The following LCN8 variants were observed in gnomAD, a reference collection of about 807,000 sequenced individuals.
LCN8 encodes lipocalin 8.
LCN8 carries 16 observed loss-of-function variants against 22.8 expected under a neutral mutation model. That is an observed-to-expected ratio of 0.70 (90% CI 0.47 to 1.06). The LOEUF (loss-of-function observed/expected upper bound fraction) is 1.06. LCN8 is among the 50% of genes least tolerant of loss of function. LCN8 has a pLI of 0.00. For synonymous variants in LCN8, 92 were observed against 83.4 expected (o/e 1.10, Z -0.56); for missense variants, 189 against 203.3 (o/e 0.93, Z 0.43).
At position 136,756,617 on chromosome 9, in the gene LCN8, G is replaced by A. The variant is rs79243903; in HGVS notation, c.156-25C>T. On this transcript the variant is annotated intron_variant, in intron 2 of 6. Transcript: ENST00000371688. Reference sequence around the variant, plus strand: ...GCTGAAAGGCAGCAAAGTGCCCATCGGTAAAATGCTAGCCTGTGTCCCGCC... The same window carrying A: ...GCTGAAAGGCAGCAAAGTGCCCATCAGTAAAATGCTAGCCTGTGTCCCGCC... The A allele has an allele frequency of 4.5e-3, 7,203 of 1,611,330 alleles. 256 individuals are homozygous for A. The African/African-American group carries it at 0.084, about 19-fold the overall frequency.
Position 136,757,940 on chromosome 9 carries a change from C to T in LCN8, c.-10G>A. 2 of 1,613,238 alleles carry T rather than the reference C, an allele frequency of 1.2e-6. No individual in the cohort carries two copies. The highest frequency in any genetic ancestry group is 1.7e-6 in the Non-Finnish European group (2 of 1,179,938). ...GGTCCAGCTCCTCCATGGCTGCTGC[C>T]ACCTGCGCCCGGAGCACCACGAGGA... On this transcript the variant is annotated 5_prime_UTR_variant, in exon 1 of 7. It introduces an in-frame stop codon into an upstream open reading frame of the 5' UTR. Transcript: ENST00000371688.
chr9:136,754,519 A>G lies in LCN8; in HGVS notation c.448-10T>C. On this transcript the variant is annotated splice_polypyrimidine_tract_variant and intron_variant, in intron 6 of 6. Coordinates refer to ENST00000371688, the MANE Select transcript of LCN8 (RefSeq NM_178469.4). ...TCCATTAAATCAGCTCCTGCGACAC[A>G]GAAGTGCAGGGGCTCAGGCCCGTGT... 2 of 1,552,730 alleles carry G rather than the reference A, an allele frequency of 1.3e-6. No homozygotes were observed. Among genetic ancestry groups the G allele is most frequent in the Non-Finnish European group, 1.7e-6 (2 of 1,147,916 alleles).
upstream of LCN8, chr9:136,758,504 T>A: frequency 1.0e-6 from 1 of 990,752 alleles, no homozygotes; most frequent in Non-Finnish European, 1.2e-6. Flanking sequence ...GCGACCAGAG[T>A]GACAGTGACA....
Position 136,758,125 on chromosome 9 carries a change from TG to T in LCN8, c.-196del. 1 of 1,452,700 alleles carries T rather than the reference TG, an allele frequency of 6.9e-7. No individual in the cohort carries two copies. The highest frequency in any genetic ancestry group is 9.1e-7 in the Non-Finnish European group (1 of 1,101,736). The allele number at this position is 1,452,700 out of a possible 1,614,324, so 90.0% of individuals were successfully genotyped here. A position where few individuals can be genotyped will look rare whatever the true frequency, so the allele number is the denominator to read the frequency against. On this transcript the variant is annotated 5_prime_UTR_variant, in exon 1 of 7. The change creates a premature stop within an existing upstream ORF in the 5' untranslated region. Coordinates refer to ENST00000371688, the MANE Select transcript of LCN8 (RefSeq NM_178469.4). ...CTTGGCTGCTGGCAGCTCAGAGACG[TG>T]GGTTTCTGCACAAGCGCCATCGGCC... is the stretch of plus-strand genomic sequence containing the variant.
intron 2 of LCN8, 41 bp from the exon 3 acceptor site, chr9:136,756,633 G>A: frequency 1.9e-6 from 3 of 1,605,974 alleles, no homozygotes; most frequent in Middle Eastern, 1.7e-4. Flanking sequence ...ATGCTAGCCT[G>A]TGTCCCGCCT....
intron 6 of LCN8, chr9:136,754,792 G>A (rs939225608): frequency 2.5e-4 from 337 of 1,372,762 alleles, no homozygotes; most frequent in Non-Finnish European, 3.1e-4. Context: ...CGGGACCTTC[G>A]GGGGCAGAAG....
chr9:136,756,908 C>A, intron 2 of LCN8, 130 bp downstream of exon 2: 1 of 1,095,038 alleles, frequency 9.1e-7, no homozygotes, highest in South Asian at 1.6e-5. Flanking sequence ...GGCAGACGGG[C>A]ACCGGGAGTG....
At chr9:136,756,198 GCGCAGGGAACAGCA>G in intron 3 of LCN8, 1 of 1,306,098 alleles carries the variant, frequency 7.7e-7, no homozygotes, top group Non-Finnish European at 1.0e-6. Context: ...ATGGGGAACA[GCGCAGGGAACAGCA>G]TGGGGAACAG....
In LCN8 at chr9:136,756,201, CAGGGAACAGCAT is replaced by C. The variant is rs1564331734; in HGVS notation, c.226+309_226+320del. The C allele has an allele frequency of 2.8e-5, 38 of 1,335,928 alleles. 1 individual carries two copies. The African/African-American group carries it at 5.3e-4, about 19-fold the overall frequency. 82.8% of individuals were successfully genotyped at this position (1,335,928 alleles called of 1,614,324 possible). A position where few individuals can be genotyped will look rare whatever the true frequency, so the allele number is the denominator to read the frequency against. ...GCAGGGAACAGCATGGGGAACAGCG[CAGGGAACAGCAT>C]GGGGAACAGTGCAGGGAACAGTGCA... On this transcript the variant is annotated intron_variant, in intron 3 of 6. Coordinates refer to ENST00000371688, the MANE Select transcript of LCN8 (RefSeq NM_178469.4).
chr9:136,757,468 C>G, intron 1 of LCN8: 1 of 1,356,218 alleles, frequency 7.4e-7, no homozygotes, highest in Non-Finnish European at 9.5e-7. Flanking sequence ...AACCACAGGC[C>G]CTGCCTGACC....
chr9:136,757,150 C>T lies in LCN8; in HGVS notation c.43G>A (p.Glu15Lys). 6.2e-7 allele frequency: 1 copy of T among 1,612,902 alleles called. No homozygotes were observed. The highest frequency in any genetic ancestry group is 8.5e-7 in the Non-Finnish European group (1 of 1,179,542). ...DRQKIGGFWR[E>K]VGVASDQSLV... ...CTTTGATCGGAGGCCACACCGACTT[C>T]CCTCCAGAATCCTCCAATCTAGAGA... The change falls in exon 2 of 7, where the codon GAA becomes AAA. Residue 15 changes from glutamate (E) to lysine (K), a missense_variant. Coordinates refer to ENST00000371688, the MANE Select transcript of LCN8 (RefSeq NM_178469.4).
chr9:136,756,363 T>C (rs775668930), intron 3 of LCN8, 159 bp downstream of exon 3: 23 of 1,508,506 alleles, frequency 1.5e-5, no homozygotes, highest in African/African-American at 1.2e-4. Context: ...GCACAGGGAA[T>C]AGTTCAGGGA....
intron 3 of LCN8, 32 bp from the exon 4 acceptor site, chr9:136,755,548 C>G (rs200153866): frequency 7.5e-6 from 12 of 1,598,106 alleles, no homozygotes; most frequent in Non-Finnish European, 9.4e-6. Flanking sequence ...TTGGGGGAGA[C>G]GTCTGAGGGG....
In LCN8 at chr9:136,755,396, C is replaced by T; in HGVS notation, c.331+16G>A. 6.2e-7 allele frequency: 1 copy of T among 1,611,302 alleles called. No homozygotes were observed. Among genetic ancestry groups the T allele is most frequent in the Non-Finnish European group, 8.5e-7 (1 of 1,179,962 alleles). ...GAGAGCAGCAGCTGGGCAGAGCCCC[C>T]CAGGGCCAAGCTTACTAAAGTACTT... On this transcript the variant is annotated intron_variant, in intron 4 of 6. Transcript: ENST00000371688.
In LCN8 at chr9:136,757,987, G is replaced by T; in HGVS notation, c.-57C>A. 4 of 1,607,436 alleles carry T rather than the reference G, an allele frequency of 2.5e-6. No individual in the cohort carries two copies. The highest frequency in any genetic ancestry group is 1.7e-6 in the Non-Finnish European group (2 of 1,177,938). On this transcript the variant is annotated 5_prime_UTR_variant, in exon 1 of 7. In the 5' UTR this introduces an upstream ATG that the reference lacks. Transcript: ENST00000371688. Reference sequence around the variant, plus strand: ...AGGACACCCAGGATGGTGCACGGCAGCCTGGCCTCCGTGGCGGGGTCCGGG... The same window carrying T: ...AGGACACCCAGGATGGTGCACGGCATCCTGGCCTCCGTGGCGGGGTCCGGG...
chr9:136,758,314 C>T, upstream of LCN8: 1 of 1,145,846 alleles, frequency 8.7e-7, no homozygotes, highest in Non-Finnish European at 1.1e-6. Flanking sequence ...GTGACCCCCA[C>T]CCCACATGAC....
rs79149038 is a variant in LCN8 at position 136,758,142 on chromosome 9, G to A, written c.-212C>T. The A allele has an allele frequency of 4.8e-6, 7 of 1,443,812 alleles. No homozygotes were observed. Among genetic ancestry groups the A allele is most frequent in the Admixed American group, 2.5e-5 (1 of 40,244 alleles). The allele number at this position is 1,443,812 out of a possible 1,614,324, so 89.4% of individuals were successfully genotyped here. On this transcript the variant is annotated 5_prime_UTR_variant, in exon 1 of 7. Coordinates refer to ENST00000371688, the MANE Select transcript of LCN8 (RefSeq NM_178469.4). ...CAGAGACGTGGGTTTCTGCACAAGC[G>A]CCATCGGCCCTGGTGACACCCACGC...
In LCN8 at chr9:136,755,144, G is replaced by C; in HGVS notation, c.438C>G (p.Leu146=). The C allele has an allele frequency of 6.3e-7, 1 of 1,586,398 alleles. No individual in the cohort carries two copies. The part of the protein sequence containing the change: ...LAARPGRCAE[L]LKEELI ...CGGGGGTCAGGCTCACCTCCTTCAGGAGCTCGGCACACCGCCCTGCAGGAT... is the reference window on the plus strand; with the variant it reads ...CGGGGGTCAGGCTCACCTCCTTCAGCAGCTCGGCACACCGCCCTGCAGGAT... The change falls in exon 6 of 7, where the codon CTC becomes CTG. Residue 146 remains leucine, a synonymous_variant. Transcript: ENST00000371688.
chr9:136,755,619 A>G, intron 3 of LCN8, 103 bp from the exon 4 acceptor site: 1 of 1,530,606 alleles, frequency 6.5e-7, no homozygotes, highest in Non-Finnish European at 8.8e-7. Flanking sequence ...ACCCAGTCCC[A>G]GCACTTGAGT....
Sources: allele counts gnomAD v4.1 joint callset, GRCh38; gene constraint gnomAD v4.1.1; transcripts MANE v1.5; gene names NCBI Gene and HGNC (gene_info 2026-07-23, HGNC 2026-07-21).